USP33: variants seen among roughly 807,000 people sequenced by gnomAD.
The protein encoded by USP33 is ubiquitin carboxyl-terminal hydrolase 33.
USP33 carries 46 observed loss-of-function variants against 124.2 expected under a neutral mutation model. The ratio of observed to expected loss-of-function variants is 0.37; its 90% CI spans 0.29 to 0.47. The LOEUF is 0.47. USP33 is among the 20% of genes least tolerant of loss of function. The probability of loss-of-function intolerance (pLI) is 0.99; values close to 1 mark genes in which losing one functional copy is unlikely to be tolerated. For missense variants in USP33, 851 were observed against 1,070.6 expected (o/e 0.79, Z 2.86); for synonymous variants, 350 against 352.3 (o/e 0.99, Z 0.07).
intron 10 of USP33, among the ~76,000 whole-genome samples, chr1:77,726,973 G>A (rs779095927): frequency 2.6e-5 from 4 of 152,160 alleles, no homozygotes; most frequent in South Asian, 2.1e-4. Flanking sequence ...AGAATTGTTC[G>A]TAAGAGATCT....
chr1:77,738,847 T>C (rs1430369405), intron 5 of USP33, among the ~76,000 whole-genome samples: 2 of 152,076 alleles, frequency 1.3e-5, no homozygotes, highest in Non-Finnish European at 2.9e-5. Flanking sequence ...TTGTTGTCAA[T>C]AATAAGTAAA....
intron 5 of USP33, among the ~76,000 whole-genome samples, chr1:77,737,061 A>T (rs567731705): frequency 6.6e-6 from 1 of 152,284 alleles, no homozygotes; most frequent in Admixed American, 6.5e-5. Context: ...AACGAAAAAA[A>T]CTTTGAGCTA....
At chr1:77,752,044 G>A (rs1172302426) in intron 1 of USP33, among the ~76,000 whole-genome samples, 1 of 151,838 alleles carries the variant, frequency 6.6e-6, no homozygotes, top group Non-Finnish European at 1.5e-5. Context: ...CAAATTCCAG[G>A]TTGAAATTCT....
chr1:77,747,216 A>T (rs1342292493), intron 1 of USP33, among the ~76,000 whole-genome samples: 1 of 140,524 alleles, frequency 7.1e-6, no homozygotes, highest in Non-Finnish European at 1.5e-5. Flanking sequence ...ATAGTACATA[A>T]GGATTTATTT....
intron 4 of USP33, 65 bp downstream of exon 4, chr1:77,740,812 T>C: frequency 9.1e-7 from 1 of 1,104,528 alleles, no homozygotes. Context: ...AATGTTATAC[T>C]GGCTTTCCCT....
At chr1:77,731,998 G>A (rs1677872991) in intron 7 of USP33, among the ~76,000 whole-genome samples, 1 of 151,722 alleles carries the variant, frequency 6.6e-6, no homozygotes, top group Non-Finnish European at 1.5e-5. Flanking sequence ...TAGCTACTTG[G>A]CAGGCTGAGG....
At chr1:77,698,237 CTT>C (rs76688044) in intron 22 of USP33, among the ~76,000 whole-genome samples, 52 of 120,912 alleles carry the variant, frequency 4.3e-4, no homozygotes, top group Admixed American at 7.5e-4. Flanking sequence ...CTAATTTTTG[CTT>C]TTTTTTTTTT....
intron 1 of USP33, among the ~76,000 whole-genome samples, chr1:77,756,557 G>A (rs539582210): frequency 6.6e-6 from 1 of 152,264 alleles, no homozygotes; most frequent in East Asian, 1.9e-4. Flanking sequence ...GAAGTTCTGG[G>A]AGCCTTTTAG....
chr1:77,740,384 G>A lies in USP33; in HGVS notation c.198+493C>T, dbSNP rs555976219. On this transcript the variant is annotated intron_variant, in intron 4 of 23. Coordinates refer to ENST00000370794, the MANE Select transcript of USP33 (RefSeq NM_201624.3). Reference sequence around the variant, plus strand: ...TTTTTTTTTTTTGAGATGGAGTTTCGCTCTTGTTGCCCAGGCTGGAGTGCA... The same window carrying A: ...TTTTTTTTTTTTGAGATGGAGTTTCACTCTTGTTGCCCAGGCTGGAGTGCA... 8.2e-5 allele frequency among the ~76,000 whole-genome samples: 12 copies of A among 145,846 alleles called. 1 individual carries two copies. Among genetic ancestry groups the A allele is most frequent in the East Asian group, 6.0e-4 (3 of 5,016 alleles).
chr1:77,711,948 T>C, intron 20 of USP33, 93 bp from the exon 21 acceptor site: 1 of 1,217,314 alleles, frequency 8.2e-7, no homozygotes, highest in East Asian at 2.6e-5. Context: ...ATAAATCCTC[T>C]TAATAAAATT....
At chr1:77,758,848 T>A (rs537598792) in intron 1 of USP33, among the ~76,000 whole-genome samples, 1 of 152,242 alleles carries the variant, frequency 6.6e-6, no homozygotes, top group East Asian at 1.9e-4. Flanking sequence ...CACCTTCAAT[T>A]TAAGTCTATG....
intron 9 of USP33, 87 bp from the exon 10 acceptor site, chr1:77,728,799 C>T (rs1677455061): frequency 1.4e-6 from 2 of 1,399,404 alleles, no homozygotes; most frequent in African/African-American, 1.4e-5. Context: ...TCATTACAAA[C>T]TTATATATGA....
At position 77,696,369 on chromosome 1, in the gene USP33, T is replaced by C. The variant is rs1229858753; in HGVS notation, c.*948A>G. ...AGGTTACAGGAATTGAAGTTTAACA[T>C]TGTACAATATAAGCGGCAATAAGTT... is the stretch of plus-strand genomic sequence containing the variant. On this transcript the variant is annotated 3_prime_UTR_variant, in exon 24 of 24. Transcript: ENST00000370794. 1 of 152,636 alleles carries C rather than the reference T, an allele frequency of 6.6e-6. No homozygotes were observed. The highest frequency in any genetic ancestry group is 1.9e-4 in the East Asian group (1 of 5,202). The allele number at this position is 152,636 out of a possible 1,614,324, so 9.5% of individuals were successfully genotyped here. A position where few individuals can be genotyped will look rare whatever the true frequency, so the allele number is the denominator to read the frequency against.
chr1:77,734,048 A>C (rs1057304595), intron 7 of USP33, among the ~76,000 whole-genome samples: 9 of 152,214 alleles, frequency 5.9e-5, no homozygotes, highest in South Asian at 2.1e-4. Context: ...AAATATTTTC[A>C]TAAGATCTCT....
At chr1:77,702,810 A>T (rs964768465) in intron 21 of USP33, among the ~76,000 whole-genome samples, 1 of 152,060 alleles carries the variant, frequency 6.6e-6, no homozygotes, top group African/African-American at 2.4e-5. Context: ...ATTAAAAAAA[A>T]ACCCAAGTGA....
intron 7 of USP33, among the ~76,000 whole-genome samples, chr1:77,732,566 A>C (rs1184918785): frequency 6.6e-6 from 1 of 152,158 alleles, no homozygotes; most frequent in Non-Finnish European, 1.5e-5. Flanking sequence ...TATGAGAATA[A>C]AGACCTACAT....
intron 10 of USP33, among the ~76,000 whole-genome samples, chr1:77,726,341 T>C (rs1677156849): frequency 6.8e-6 from 1 of 148,136 alleles, no homozygotes; most frequent in Admixed American, 6.7e-5. Flanking sequence ...TTTGTCCAAA[T>C]ATAGCATTAA....
rs556794580 is a variant in USP33, at chr1:77,736,379, A to G, written c.352-221T>C. ...TGTCAGTCCCGCTTTATTAACATAT[A>G]TATTTGAGTTAAAAAGGCACTTTTT... On this transcript the variant is annotated intron_variant, in intron 5 of 23. Transcript: ENST00000370794. 2.8e-4 allele frequency among the ~76,000 whole-genome samples: 43 copies of G among 152,288 alleles called. No homozygotes were observed. In the South Asian group the frequency reaches 8.3e-3, roughly 29 times the overall value.
intron 9 of USP33, 40 bp downstream of exon 9, chr1:77,729,816 AATTT>A: frequency 1.3e-6 from 2 of 1,593,778 alleles, no homozygotes; most frequent in Non-Finnish European, 1.7e-6. Flanking sequence ...GCATTTTCCA[AATTT>A]ATTTAGATTA....
Sources: gnomAD v4.1 joint callset for allele counts (sites outside exome capture counted in the v4.1 genomes callset) on GRCh38, gnomAD v4.1.1 for gene constraint, MANE v1.5 for transcripts, NCBI Gene and HGNC (gene_info 2026-07-23, HGNC 2026-07-21) for gene names.